The following RBFOX1 variants were observed in gnomAD, a reference collection of about 807,000 sequenced individuals.
RBFOX1 encodes the protein RNA binding fox-1 homolog 1.
RBFOX1 carries 8 observed loss-of-function variants against 57.7 expected under a neutral mutation model. That is an observed-to-expected ratio of 0.14 (90% confidence interval 0.08 to 0.25). The LOEUF (loss-of-function observed/expected upper bound fraction) is 0.25. RBFOX1 is among the 10% of genes least tolerant of loss of function. The pLI, the probability that RBFOX1 is intolerant of heterozygous loss-of-function variation, is 1.00. For synonymous variants in RBFOX1, 326 were observed against 222.4 expected (o/e 1.47, Z -4.15); for missense variants, 611 against 548.5 (o/e 1.11, Z -1.14).
At chr16:7,267,263 G>A (rs781153027) in intron 4 of RBFOX1, among the ~76,000 whole-genome samples, 9 of 152,048 alleles carry the variant, frequency 5.9e-5, no homozygotes, top group Non-Finnish European at 1.2e-4. Context: ...AGCTGGGCAC[G>A]GTGGCTCATG....
At chr16:5,869,703 G>A (rs375801924) in intron 4 of RBFOX1, among the ~76,000 whole-genome samples, 1 of 152,092 alleles carries the variant, frequency 6.6e-6, no homozygotes, top group African/African-American at 2.4e-5. Flanking sequence ...GCGCCCGGCT[G>A]TTCACAAGAT....
At chr16:6,286,630 C>G (rs571178706) in intron 1 of RBFOX1, among the ~76,000 whole-genome samples, 38 of 152,258 alleles carry the variant, frequency 2.5e-4, no homozygotes, top group African/African-American at 7.7e-4. Flanking sequence ...CTGACTTCTC[C>G]ATAGCCTTGC....
intron 2 of RBFOX1, 23 bp from the exon 3 acceptor site, chr16:6,654,580 C>A (rs762455216): frequency 3.3e-6 from 5 of 1,498,276 alleles, no homozygotes; most frequent in Non-Finnish European, 3.5e-6. Flanking sequence ...CTCTCACTTT[C>A]CTTTCTTTTC....
intron 4 of RBFOX1, among the ~76,000 whole-genome samples, chr16:7,067,378 A>T (rs1430057776): frequency 2.6e-5 from 4 of 152,122 alleles, no homozygotes; most frequent in African/African-American, 9.7e-5. Context: ...TTTCAACAAG[A>T]ATCTCACTGA....
chr16:7,266,285 T>C (rs921975842), intron 4 of RBFOX1, among the ~76,000 whole-genome samples: 1 of 151,760 alleles, frequency 6.6e-6, no homozygotes, highest in Non-Finnish European at 1.5e-5. Flanking sequence ...GGTAGAGATG[T>C]GGTGATTTTA....
At chr16:6,772,066 A>T (rs2078387811) in intron 3 of RBFOX1, among the ~76,000 whole-genome samples, 1 of 152,084 alleles carries the variant, frequency 6.6e-6, no homozygotes, top group Non-Finnish European at 1.5e-5. Flanking sequence ...GTGCTGTATG[A>T]TTTCTGTGAC....
chr16:5,618,598 A>G (rs985986642), intron 3 of RBFOX1, among the ~76,000 whole-genome samples: 3 of 152,178 alleles, frequency 2.0e-5, no homozygotes, highest in African/African-American at 7.2e-5. Flanking sequence ...CGGCCTCCCA[A>G]AGTGCTGGGA....
At chr16:6,708,647 A>G (rs1475381210) in intron 3 of RBFOX1, among the ~76,000 whole-genome samples, 1 of 152,240 alleles carries the variant, frequency 6.6e-6, no homozygotes, top group Admixed American at 6.5e-5. Flanking sequence ...CAAATCTGCC[A>G]CTATGCATTC....
intron 1 of RBFOX1, among the ~76,000 whole-genome samples, chr16:5,286,484 C>G (rs1222433836): frequency 6.6e-6 from 1 of 152,144 alleles, no homozygotes; most frequent in East Asian, 1.9e-4. Flanking sequence ...ATTCAGGCAC[C>G]AGCATATTCC....
intron 3 of RBFOX1, among the ~76,000 whole-genome samples, chr16:6,805,033 A>G (rs2086404976): frequency 6.6e-6 from 1 of 152,214 alleles, no homozygotes; most frequent in South Asian, 2.1e-4. Flanking sequence ...TACCAGTCCC[A>G]TTACTGGGTT....
chr16:5,350,428 A>G (rs146553197), intron 1 of RBFOX1, among the ~76,000 whole-genome samples: 31 of 152,198 alleles, frequency 2.0e-4, no homozygotes, highest in African/African-American at 7.5e-4. Context: ...ATGGGAGGTG[A>G]GGTGTCCCTA....
chr16:5,893,711 C>G (rs1206702916), intron 4 of RBFOX1, among the ~76,000 whole-genome samples: 1 of 151,644 alleles, frequency 6.6e-6, no homozygotes, highest in Non-Finnish European at 1.5e-5. Context: ...GAGGCTGAGA[C>G]ATAAGAATTG....
chr16:6,976,824 T>C (rs2087021651), intron 3 of RBFOX1, among the ~76,000 whole-genome samples: 1 of 146,520 alleles, frequency 6.8e-6, no homozygotes, highest in Non-Finnish European at 1.5e-5. Context: ...ATCTAGATCA[T>C]ATATAATGTA....
intron 3 of RBFOX1, among the ~76,000 whole-genome samples, chr16:7,040,209 C>G (rs776528731): frequency 6.6e-6 from 1 of 151,672 alleles, no homozygotes; most frequent in Non-Finnish European, 1.5e-5. Flanking sequence ...TTAGTAGAGA[C>G]GGGGTTTCAC....
chr16:6,451,155 G>A (rs1320903985), intron 2 of RBFOX1, among the ~76,000 whole-genome samples: 2 of 151,510 alleles, frequency 1.3e-5, no homozygotes, highest in East Asian at 1.9e-4. Flanking sequence ...TCCAGTGCAT[G>A]CTTGTAAATT....
intron 3 of RBFOX1, among the ~76,000 whole-genome samples, chr16:6,789,042 A>G (rs1009107879): frequency 6.6e-6 from 1 of 152,152 alleles, no homozygotes; most frequent in Non-Finnish European, 1.5e-5. Flanking sequence ...CTCCTGCTGT[A>G]TAGAAACATG....
intron 14 of RBFOX1, among the ~76,000 whole-genome samples, chr16:7,704,992 C>T (rs577654853): frequency 4.0e-5 from 6 of 149,578 alleles, no homozygotes; most frequent in African/African-American, 7.4e-5. Flanking sequence ...TAGAGTGAGC[C>T]GAGATCATGT....
chr16:6,445,354 A>G (rs1256861875), intron 2 of RBFOX1, among the ~76,000 whole-genome samples: 6 of 152,044 alleles, frequency 3.9e-5, no homozygotes, highest in African/African-American at 1.4e-4. Flanking sequence ...TGAGAATATC[A>G]CAGGGAGACA....
At chr16:5,456,414 G>C (rs778700405) in intron 1 of RBFOX1, among the ~76,000 whole-genome samples, 7 of 152,180 alleles carry the variant, frequency 4.6e-5, no homozygotes, top group Non-Finnish European at 7.3e-5. Flanking sequence ...GAACGGATTT[G>C]AAAGGTTGGG....
Sources: gnomAD v4.1 joint callset for allele counts (sites outside exome capture counted in the v4.1 genomes callset) on GRCh38, gnomAD v4.1.1 for gene constraint, MANE v1.5 for transcripts, NCBI Gene and HGNC (gene_info 2026-07-23, HGNC 2026-07-21) for gene names.